CHST12: variants seen among roughly 807,000 people sequenced by gnomAD.
CHST12 encodes carbohydrate (chondroitin 4) sulfotransferase 12.
A neutral mutation model predicts 27.9 loss-of-function variants in CHST12; 23 were observed. That is an observed-to-expected ratio of 0.82 (90% CI 0.59 to 1.17). CHST12 has a LOEUF of 1.17. Among genes scored for constraint, CHST12 ranks in the 50% most tolerant of loss-of-function variants. CHST12 has a pLI of 0.00. For missense variants in CHST12, 682 were observed against 603.0 expected (o/e 1.13, Z -1.37); for synonymous variants, 322 against 273.0 (o/e 1.18, Z -1.77).
At chr7:2,404,635 T>C (rs940529590) in intron 1 of CHST12, among the ~76,000 whole-genome samples, 2 of 152,116 alleles carry the variant, frequency 1.3e-5, no homozygotes, top group Non-Finnish European at 2.9e-5. Context: ...GAGCATCTGG[T>C]GTTGGGAGTC....
At chr7:2,408,195 C>T (rs375572183) in intron 1 of CHST12, among the ~76,000 whole-genome samples, 1 of 151,898 alleles carries the variant, frequency 6.6e-6, no homozygotes, top group East Asian at 1.9e-4. Flanking sequence ...CATAGTGAAA[C>T]CCTGGCTAAT....
At chr7:2,410,701 T>TG (rs1483586212) in intron 1 of CHST12, among the ~76,000 whole-genome samples, 1 of 151,508 alleles carries the variant, frequency 6.6e-6, no homozygotes, top group Admixed American at 6.6e-5. Flanking sequence ...AGCTGAGGGA[T>TG]GGTGGTGCAG....
intron 1 of CHST12, among the ~76,000 whole-genome samples, chr7:2,408,906 G>C (rs997977488): frequency 2.6e-5 from 4 of 152,300 alleles, no homozygotes; most frequent in Admixed American, 6.5e-5. Context: ...GGCTCCAAGA[G>C]GAGATTCTTT....
intron 1 of CHST12, among the ~76,000 whole-genome samples, chr7:2,414,608 T>C (rs941321172): frequency 2.0e-5 from 3 of 152,216 alleles, no homozygotes; most frequent in African/African-American, 7.2e-5. Flanking sequence ...ATGGTAAAAT[T>C]TGAGAATCCT....
intron 1 of CHST12, among the ~76,000 whole-genome samples, chr7:2,424,181 C>T (rs1426574735): frequency 6.6e-6 from 1 of 152,116 alleles, no homozygotes; most frequent in Non-Finnish European, 1.5e-5. Flanking sequence ...TAGGGAGATC[C>T]TGTCTCTACA....
rs1583215133 is a variant in CHST12 at position 2,419,493 on chromosome 7, G to A, written c.-77-13070G>A. Reference sequence around the variant, plus strand: ...AGGCCAAGGCAGGTGGATTCCCTGAGGTCAGGAGTCCGAGACCAGCCTGGC... The same window carrying A: ...AGGCCAAGGCAGGTGGATTCCCTGAAGTCAGGAGTCCGAGACCAGCCTGGC... On this transcript the variant is annotated intron_variant, in intron 1 of 1. Transcript: ENST00000618655. Among the ~76,000 whole-genome samples the A allele has an allele frequency of 3.3e-5, 5 of 151,432 alleles. No homozygotes were observed. In the South Asian group the frequency reaches 1.0e-3, roughly 32 times the overall value.
At position 2,439,585 on chromosome 7, in the gene CHST12, C is replaced by T. The variant is rs1782551948; in HGVS notation, c.*5701C>T. The T allele has an allele frequency of 6.6e-6, 1 of 150,832 alleles. No individual in the cohort carries two copies. 9.3% of individuals were successfully genotyped at this position (150,832 alleles called of 1,614,324 possible). On this transcript the variant is annotated 3_prime_UTR_variant, in exon 2 of 2. Transcript: ENST00000618655. ...CACCACCATGCCCGGCTAATTTTTA[C>T]ATTTTTGGTAGAGGCCGGGTACGGT...
At chr7:2,423,823 G>A (rs1242352111) in intron 1 of CHST12, among the ~76,000 whole-genome samples, 1 of 152,212 alleles carries the variant, frequency 6.6e-6, no homozygotes, top group Admixed American at 6.5e-5. Flanking sequence ...GGTGGCTCAT[G>A]CCAGAAGCAG....
intron 1 of CHST12, among the ~76,000 whole-genome samples, chr7:2,430,507 G>A (rs937960331): frequency 6.6e-6 from 1 of 151,880 alleles, no homozygotes; most frequent in Non-Finnish European, 1.5e-5. Flanking sequence ...TAGTAGAGAC[G>A]GGGTTTCACC....
chr7:2,419,182 G>A (rs547743478), intron 1 of CHST12, among the ~76,000 whole-genome samples: 1 of 152,286 alleles, frequency 6.6e-6, no homozygotes, highest in Non-Finnish European at 1.5e-5. Context: ...GCCGAGGCAG[G>A]TAGATCACTT....
rs979093079 is a variant in CHST12 at position 2,448,368 on chromosome 7, T to C, written c.*14484T>C. On this transcript the variant is annotated 3_prime_UTR_variant, in exon 2 of 2. Transcript: ENST00000618655. ...CTTATACCCGTCCGAATCTGCCCCCTGTTAATGGCACCCACCAGTCCTTGT... is the reference window on the plus strand; with the variant it reads ...CTTATACCCGTCCGAATCTGCCCCCCGTTAATGGCACCCACCAGTCCTTGT... The C allele has an allele frequency of 5.3e-5, 8 of 152,298 alleles. No homozygotes were observed. The highest frequency in any genetic ancestry group is 1.7e-4 in the African/African-American group (7 of 41,440). The allele number at this position is 152,298 out of a possible 1,614,324, so 9.4% of individuals were successfully genotyped here.
At chr7:2,410,479 C>T (rs1781638391) in intron 1 of CHST12, among the ~76,000 whole-genome samples, 2 of 152,118 alleles carry the variant, frequency 1.3e-5, no homozygotes, top group South Asian at 4.2e-4. Context: ...GCACTCCAGC[C>T]TGGGTGACAC....
In CHST12 at chr7:2,444,769, T is replaced by A. The variant is rs980445572; in HGVS notation, c.*10885T>A. 1 of 152,088 alleles carries A rather than the reference T, an allele frequency of 6.6e-6. No individual in the cohort carries two copies. The highest frequency in any genetic ancestry group is 1.5e-5 in the Non-Finnish European group (1 of 68,036). 9.4% of individuals were successfully genotyped at this position (152,088 alleles called of 1,614,324 possible). ...AGGCTACAAGGCAAAAATCCCCTAC[T>A]CCCCCTGGGCTCCTTCACAGTTTGT... On this transcript the variant is annotated 3_prime_UTR_variant, in exon 2 of 2. Coordinates refer to ENST00000618655, the MANE Select transcript of CHST12 (RefSeq NM_018641.5).
rs965889394 is a variant in CHST12 at position 2,441,771 on chromosome 7, G to C, written c.*7887G>C. ...GTTTAGAAGAGTGGGTTTCTCATAA[G>C]AAAAAAAAGAAAAAGGTTGACCTTG... On this transcript the variant is annotated 3_prime_UTR_variant, in exon 2 of 2. Transcript: ENST00000618655. The C allele has an allele frequency of 6.7e-6, 1 of 149,852 alleles. No individual in the cohort carries two copies. Among genetic ancestry groups the C allele is most frequent in the Non-Finnish European group, 1.5e-5 (1 of 67,532 alleles). 9.3% of individuals were successfully genotyped at this position (149,852 alleles called of 1,614,324 possible). A position where few individuals can be genotyped will look rare whatever the true frequency, so the allele number is the denominator to read the frequency against.
At chr7:2,432,432 T>G in intron 1 of CHST12, 131 bp from the exon 2 acceptor site, 1 of 610,524 alleles carries the variant, frequency 1.6e-6, no homozygotes, top group Non-Finnish European at 2.9e-6. Flanking sequence ...CCAGCCCCTC[T>G]GGAGGGCGAG....
chr7:2,432,910 C>G lies in CHST12; in HGVS notation c.271C>G (p.Pro91Ala). 1 of 1,613,144 alleles carries G rather than the reference C, an allele frequency of 6.2e-7. No individual in the cohort carries two copies. Among genetic ancestry groups the G allele is most frequent in the Non-Finnish European group, 8.5e-7 (1 of 1,179,828 alleles). Residue 91 changes from proline (P) to alanine (A), a missense_variant, in exon 2 of 2, where the codon CCG (proline) becomes GCG (alanine). Pro to Ala is a conservative substitution (Grantham distance 27). Coordinates refer to ENST00000618655, the MANE Select transcript of CHST12 (RefSeq NM_018641.5). ...CCTTCCCAGAAAGGAGACGGAGCAG[C>G]CGCCTGCGCCGGGGAGCATGGAGGA... ...SDLPRKETEQ[P>A]PAPGSMEESV...
intron 1 of CHST12, among the ~76,000 whole-genome samples, chr7:2,411,751 G>A (rs1426723469): frequency 6.6e-6 from 1 of 152,174 alleles, no homozygotes; most frequent in Non-Finnish European, 1.5e-5. Flanking sequence ...CAAAGTGCTG[G>A]GATTACAGGC....
chr7:2,410,011 G>C (rs1781623505), intron 1 of CHST12, among the ~76,000 whole-genome samples: 1 of 151,994 alleles, frequency 6.6e-6, no homozygotes, highest in Non-Finnish European at 1.5e-5. Flanking sequence ...GCAGTGATAT[G>C]ATCTCATTGC....
Position 2,433,007 on chromosome 7 carries a change from A to G in CHST12, c.368A>G (p.Glu123Gly), listed in dbSNP as rs1381261443. Residue 123 changes from glutamate (E) to glycine (G), a missense_variant, in exon 2 of 2, where the codon GAG becomes GGG. By Grantham distance (98) the Glu-to-Gly change is moderately conservative (BLOSUM62 -2). Transcript: ENST00000618655. This position sits in a 1 kb window ranked among gnomAD's most constrained non-coding sequence, Gnocchi z 6.1. Reference protein sequence around the residue: ...RSPDQGRQQAERRSVLRGFCA... With the variant: ...RSPDQGRQQAGRRSVLRGFCA... Reference sequence around the variant, plus strand: ...CCAGACCAGGGCCGGCAGCAGGCGGAGCGGAGGAGCGTGCTGCGGGGCTTC... The same window carrying G: ...CCAGACCAGGGCCGGCAGCAGGCGGGGCGGAGGAGCGTGCTGCGGGGCTTC... The G allele has an allele frequency of 6.2e-7, 1 of 1,610,806 alleles. No individual in the cohort carries two copies.
Sources: gnomAD v4.1 joint callset for allele counts (sites outside exome capture counted in the v4.1 genomes callset) on GRCh38, gnomAD v4.1.1 for gene constraint, Gnocchi (gnomAD v3.1) non-coding constraint, MANE v1.5 for transcripts, NCBI Gene and HGNC (gene_info 2026-07-23, HGNC 2026-07-21) for gene names.